GPR39: variants seen among roughly 807,000 people sequenced by gnomAD.
GPR39 encodes the protein G protein-coupled receptor 39, also known as zinc sensing receptor.
GPR39 carries 23 observed loss-of-function variants against 18.4 expected under a neutral mutation model. The ratio of observed to expected loss-of-function variants is 1.25; its 90% confidence interval spans 0.90 to 1.77. The LOEUF is 1.77. Ranked by LOEUF, GPR39 falls within the 40% of genes most tolerant of loss-of-function variation. The pLI is 0.00. For missense variants in GPR39, 647 were observed against 602.4 expected (o/e 1.07, Z -0.78); for synonymous variants, 280 against 257.9 (o/e 1.09, Z -0.82).
intron 1 of GPR39, among the ~76,000 whole-genome samples, chr2:132,632,387 C>A (rs1681666115): frequency 6.6e-6 from 1 of 152,264 alleles, no homozygotes; most frequent in South Asian, 2.1e-4. Context: ...TATTTCTTGC[C>A]AGCTGACATT....
At chr2:132,473,849 A>T (rs1681077527) in intron 1 of GPR39, among the ~76,000 whole-genome samples, 1 of 152,192 alleles carries the variant, frequency 6.6e-6, no homozygotes, top group African/African-American at 2.4e-5. Context: ...CATCCAATTT[A>T]TCCAGGCAGA....
intron 1 of GPR39, among the ~76,000 whole-genome samples, chr2:132,592,403 T>C (rs1262856360): frequency 6.6e-6 from 1 of 152,196 alleles, no homozygotes; most frequent in Non-Finnish European, 1.5e-5. Flanking sequence ...ATACCTGGTA[T>C]GTCAAGTAAG....
chr2:132,643,779 C>T (rs556278972), intron 1 of GPR39, among the ~76,000 whole-genome samples: 1 of 152,306 alleles, frequency 6.6e-6, no homozygotes, highest in Non-Finnish European at 1.5e-5. Context: ...CTTGGCCTCC[C>T]AGAGTATTGA....
chr2:132,438,042 A>G (rs189207650), intron 1 of GPR39, among the ~76,000 whole-genome samples: 247 of 152,364 alleles, frequency 1.6e-3, no homozygotes, highest in Non-Finnish European at 2.0e-3. Flanking sequence ...GTCTGGCAAC[A>G]GCCATAAACA....
At chr2:132,451,316 C>A (rs1408340532) in intron 1 of GPR39, among the ~76,000 whole-genome samples, 1 of 152,218 alleles carries the variant, frequency 6.6e-6, no homozygotes, top group African/African-American at 2.4e-5. Flanking sequence ...GTACTCACCT[C>A]TACTTGGCAT....
chr2:132,547,245 C>T (rs1394847059), intron 1 of GPR39, among the ~76,000 whole-genome samples: 3 of 152,166 alleles, frequency 2.0e-5, no homozygotes, highest in African/African-American at 4.8e-5. Context: ...TTGCAAATGG[C>T]ATTTCCCTGG....
intron 1 of GPR39, among the ~76,000 whole-genome samples, chr2:132,589,052 T>A: frequency 6.6e-6 from 1 of 152,200 alleles, no homozygotes; most frequent in East Asian, 1.9e-4. Context: ...ATCATATTTT[T>A]AAAAACCCAT....
At chr2:132,592,771 G>A (rs1680869867) in intron 1 of GPR39, among the ~76,000 whole-genome samples, 1 of 152,206 alleles carries the variant, frequency 6.6e-6, no homozygotes, top group African/African-American at 2.4e-5. Context: ...TTAGACTGGA[G>A]CCAGCAGAAT....
At chr2:132,500,556 C>T (rs1444541119) in intron 1 of GPR39, among the ~76,000 whole-genome samples, 1 of 151,994 alleles carries the variant, frequency 6.6e-6, no homozygotes, top group African/African-American at 2.4e-5. Flanking sequence ...TTGTTATGTC[C>T]TTTCCTGATT....
At chr2:132,442,427 A>G (rs537007064) in intron 1 of GPR39, among the ~76,000 whole-genome samples, 1 of 152,238 alleles carries the variant, frequency 6.6e-6, no homozygotes, top group South Asian at 2.1e-4. Context: ...TCCTGTAAAG[A>G]GCACACAGAT....
chr2:132,495,199 T>C (rs2104799658), intron 1 of GPR39, among the ~76,000 whole-genome samples: 1 of 152,244 alleles, frequency 6.6e-6, no homozygotes, highest in South Asian at 2.1e-4. Flanking sequence ...TCTAGAAGGC[T>C]CCATGGAGGA....
chr2:132,480,337 C>A (rs963209898), intron 1 of GPR39, among the ~76,000 whole-genome samples: 2 of 152,072 alleles, frequency 1.3e-5, no homozygotes, highest in African/African-American at 2.4e-5. Context: ...AGCTCTGTTT[C>A]ACAACAGTGT....
intron 1 of GPR39, among the ~76,000 whole-genome samples, chr2:132,439,262 CTTTAT>C (rs1217770763): frequency 2.0e-5 from 3 of 152,152 alleles, no homozygotes; most frequent in East Asian, 1.9e-4. Context: ...GCAACTAATT[CTTTAT>C]TTTATTTTAT....
At position 132,646,269 on chromosome 2, in the gene GPR39, G is replaced by C. The variant is rs376690248; in HGVS notation, c.*663G>C. 1 of 1,551,122 alleles carries C rather than the reference G, an allele frequency of 6.4e-7. No individual in the cohort carries two copies. The highest frequency in any genetic ancestry group is 1.2e-5 in the South Asian group (1 of 80,728). On this transcript the variant is annotated 3_prime_UTR_variant, in exon 2 of 2. Transcript: ENST00000329321. The stretch of plus-strand genomic sequence containing the variant: ...GCCGCTGATGATGCACAGGACTTGC[G>C]GTACATGATCCCTGTAACACAGACC...
intron 1 of GPR39, among the ~76,000 whole-genome samples, chr2:132,434,795 G>A (rs760439268): frequency 5.3e-5 from 8 of 152,134 alleles, no homozygotes; most frequent in East Asian, 1.9e-4. Context: ...CAATAGAGCC[G>A]ATTCAGAAAA....
intron 1 of GPR39, among the ~76,000 whole-genome samples, chr2:132,510,793 A>G (rs1177516835): frequency 6.6e-6 from 1 of 152,208 alleles, no homozygotes; most frequent in African/African-American, 2.4e-5. Flanking sequence ...GAGGAGTGTA[A>G]TTGTGATGAC....
intron 1 of GPR39, among the ~76,000 whole-genome samples, chr2:132,589,074 T>C (rs923723885): frequency 1.3e-5 from 2 of 152,180 alleles, no homozygotes; most frequent in African/African-American, 4.8e-5. Context: ...AGATTAACTA[T>C]TTGGGGTTGT....
intron 1 of GPR39, among the ~76,000 whole-genome samples, chr2:132,459,305 C>T (rs1177109927): frequency 1.2e-4 from 19 of 152,178 alleles, no homozygotes; most frequent in Admixed American, 1.1e-3. Context: ...AACCTCAGCC[C>T]TTTTTGAGAA....
chr2:132,528,653 C>T (rs1679554561), intron 1 of GPR39, among the ~76,000 whole-genome samples: 2 of 152,090 alleles, frequency 1.3e-5, no homozygotes, highest in Non-Finnish European at 2.9e-5. Flanking sequence ...CCTTCATATT[C>T]CTTATAGGCT....
Sources: allele counts gnomAD v4.1 joint callset (sites outside exome capture counted in the v4.1 genomes callset), GRCh38; gene constraint gnomAD v4.1.1; transcripts MANE v1.5; gene names NCBI Gene and HGNC (gene_info 2026-07-23, HGNC 2026-07-21).